Variants in ATP6V0A4 observed in about 807,000 individuals in gnomAD.
The protein encoded by ATP6V0A4 is ATPase H+ transporting V0 subunit a4.
Under a neutral mutation model 107.3 loss-of-function variants are expected in ATP6V0A4, and 86 were observed. The ratio of observed to expected loss-of-function variants is 0.80; its 90% CI spans 0.67 to 0.96. The LOEUF is 0.96. Among genes scored for constraint, ATP6V0A4 ranks in the 40% least tolerant of loss-of-function variants. The pLI, the probability that ATP6V0A4 is intolerant of heterozygous loss-of-function variation, is 0.00. For missense variants in ATP6V0A4, 908 were observed against 1,045.6 expected, an observed-to-expected ratio of 0.87 and a Z score of 1.81; for synonymous variants, 353 against 381.4, an observed-to-expected ratio of 0.93 and a Z score of 0.87.
intron 2 of ATP6V0A4, among the ~76,000 whole-genome samples, chr7:138,784,445 AG>A (rs2130199595): frequency 6.6e-6 from 1 of 150,622 alleles, no homozygotes; most frequent in East Asian, 2.0e-4. Flanking sequence ...CAGCCTCCCG[AG>A]TAGCTGGGAC....
At chr7:138,787,207 C>A (rs1055820274) in intron 1 of ATP6V0A4, among the ~76,000 whole-genome samples, 1 of 152,160 alleles carries the variant, frequency 6.6e-6, no homozygotes, top group Non-Finnish European at 1.5e-5. Flanking sequence ...GACTTAACAC[C>A]CCTTTGTGTT....
chr7:138,750,944 A>C (rs1806191995), intron 11 of ATP6V0A4, among the ~76,000 whole-genome samples: 1 of 151,764 alleles, frequency 6.6e-6, no homozygotes, highest in Non-Finnish European at 1.5e-5. Flanking sequence ...GAAAGCTCCC[A>C]CCTTCTAACC....
At position 138,789,808 on chromosome 7, in the gene ATP6V0A4, A is replaced by G. The variant is rs574545240; in HGVS notation, c.-120-3548T>C. On this transcript the variant is annotated intron_variant, in intron 1 of 21. Transcript: ENST00000310018. ...CAACATGGAGAACTCTGTCTCTACT[A>G]AAAATACAAAATTAGCTGGGCATGG... is the stretch of plus-strand genomic sequence containing the variant. Among the ~76,000 whole-genome samples the G allele has an allele frequency of 2.7e-4, 11 of 40,388 alleles. No homozygotes were observed. In the East Asian group the frequency reaches 7.5e-3, roughly 28 times the overall value. 26.5% of individuals were successfully genotyped at this position (40,388 alleles called of 152,430 possible). A position where few individuals can be genotyped will look rare whatever the true frequency, so the allele number is the denominator to read the frequency against.
chr7:138,774,691 CAT>C (rs1807575897), intron 2 of ATP6V0A4, among the ~76,000 whole-genome samples: 1 of 41,694 alleles, frequency 2.4e-5, no homozygotes, highest in East Asian at 4.8e-4. Context: ...AGTATATACA[CAT>C]ATGTATATAC....
At chr7:138,774,224 T>A (rs187309770) in intron 2 of ATP6V0A4, among the ~76,000 whole-genome samples, 15 of 152,292 alleles carry the variant, frequency 9.8e-5, no homozygotes, top group Admixed American at 2.0e-4. Context: ...CTGGAGGCCT[T>A]AGAAGGACCC....
At chr7:138,720,849 C>A (rs1447205669) in intron 19 of ATP6V0A4, among the ~76,000 whole-genome samples, 1 of 152,088 alleles carries the variant, frequency 6.6e-6, no homozygotes, top group African/African-American at 2.4e-5. Flanking sequence ...GTTGACCAGG[C>A]TGGTGTTGGA....
intron 14 of ATP6V0A4, among the ~76,000 whole-genome samples, chr7:138,741,104 A>G (rs1284629354): frequency 6.6e-6 from 1 of 152,138 alleles, no homozygotes; most frequent in Non-Finnish European, 1.5e-5. Flanking sequence ...AGATTGCACC[A>G]CTGCACTCCA....
At chr7:138,784,277 T>TAA (rs1282032783) in intron 2 of ATP6V0A4, among the ~76,000 whole-genome samples, 1 of 35,490 alleles carries the variant, frequency 2.8e-5, no homozygotes, top group African/African-American at 9.5e-5. Context: ...CATATATATA[T>TAA]ATACATATAT....
intron 12 of ATP6V0A4, among the ~76,000 whole-genome samples, chr7:138,748,009 G>A (rs965622039): frequency 6.6e-6 from 1 of 151,956 alleles, no homozygotes; most frequent in East Asian, 1.9e-4. Flanking sequence ...TCCCACCTCG[G>A]CCTCCCAAAG....
rs60365318 is a variant in ATP6V0A4 at position 138,714,714 on chromosome 7, C to T, written c.2257+1050G>A. Among the ~76,000 whole-genome samples the T allele has an allele frequency of 6.4e-3, 980 of 152,272 alleles. 12 individuals are homozygous for T. Among genetic ancestry groups the T allele is most frequent in the African/African-American group, 0.022 (912 of 41,552 alleles). On this transcript the variant is annotated intron_variant, in intron 20 of 21. Coordinates refer to ENST00000310018, the MANE Select transcript of ATP6V0A4 (RefSeq NM_020632.3). ...CTCAGCAGGCAGCCAACTGACTCCCCGCAATGCTCATAACCAAGGCAGGCG... is the reference window on the plus strand; with the variant it reads ...CTCAGCAGGCAGCCAACTGACTCCCTGCAATGCTCATAACCAAGGCAGGCG...
At chr7:138,766,571 A>C (rs911438698) in intron 5 of ATP6V0A4, among the ~76,000 whole-genome samples, 2 of 152,188 alleles carry the variant, frequency 1.3e-5, no homozygotes, top group African/African-American at 4.8e-5. Context: ...ATAAAAGATA[A>C]ACGATATAGC....
At chr7:138,784,323 T>TGTA (rs1491339515) in intron 2 of ATP6V0A4, among the ~76,000 whole-genome samples, 9 of 112,194 alleles carry the variant, frequency 8.0e-5, no homozygotes, top group African/African-American at 3.8e-4. Flanking sequence ...TATATATGTA[T>TGTA]TTTTTTTTTT....
At chr7:138,710,585 C>T (rs1584884957) in intron 20 of ATP6V0A4, among the ~76,000 whole-genome samples, 1 of 152,150 alleles carries the variant, frequency 6.6e-6, no homozygotes, top group Non-Finnish European at 1.5e-5. Context: ...TGTAAACATG[C>T]TATATTTCAA....
chr7:138,746,227 T>G (rs1331581841), intron 13 of ATP6V0A4, among the ~76,000 whole-genome samples: 3 of 151,268 alleles, frequency 2.0e-5, no homozygotes, highest in African/African-American at 7.3e-5. Flanking sequence ...ACAAGTCAGA[T>G]ATATACTCAT....
intron 1 of ATP6V0A4, among the ~76,000 whole-genome samples, chr7:138,795,579 T>C (rs1373997062): frequency 6.6e-6 from 1 of 152,222 alleles, no homozygotes. Context: ...ACATTTCAAG[T>C]GAACTGTATA....
At chr7:138,792,457 A>G (rs1366862464) in intron 1 of ATP6V0A4, among the ~76,000 whole-genome samples, 1 of 152,218 alleles carries the variant, frequency 6.6e-6, no homozygotes. Flanking sequence ...TTAAAAAGCA[A>G]CAAAAAAGGA....
intron 19 of ATP6V0A4, among the ~76,000 whole-genome samples, chr7:138,721,647 T>G (rs1804427136): frequency 6.6e-6 from 1 of 152,300 alleles, no homozygotes; most frequent in South Asian, 2.1e-4. Flanking sequence ...ACCTGACACA[T>G]ACAGATGCAG....
rs372743296 is a variant in ATP6V0A4 at position 138,752,618 on chromosome 7, C to A, written c.1029+7G>T. 2.5e-5 allele frequency: 40 copies of A among 1,612,724 alleles called. No individual in the cohort carries two copies. The highest frequency in any genetic ancestry group is 4.0e-5 in the African/African-American group (3 of 74,886). On this transcript the variant is annotated splice_region_variant and intron_variant, in intron 11 of 21. Transcript: ENST00000310018. ...TCGGACCCCTCCTGGCTCCACCTGC[C>A]ACGCACCATGCCTTGCTCCAGTGCC...
intron 14 of ATP6V0A4, among the ~76,000 whole-genome samples, chr7:138,742,232 GC>G (rs1202424699): frequency 6.6e-6 from 1 of 152,066 alleles, no homozygotes; most frequent in Non-Finnish European, 1.5e-5. Flanking sequence ...TTCAAGACCA[GC>G]CTGGCCAACA....
Sources: gnomAD v4.1 joint callset for allele counts (sites outside exome capture counted in the v4.1 genomes callset) on GRCh38, gnomAD v4.1.1 for gene constraint, MANE v1.5 for transcripts, NCBI Gene and HGNC (gene_info 2026-07-23, HGNC 2026-07-21) for gene names.